The following DHX34 variants were observed in gnomAD, a reference collection of about 807,000 sequenced individuals.
The protein encoded by DHX34 is probable ATP-dependent RNA helicase DHX34.
A neutral mutation model predicts 111.1 loss-of-function variants in DHX34; 96 were observed. The observed-to-expected ratio is 0.86, with a 90% CI of 0.73 to 1.02. The LOEUF (loss-of-function observed/expected upper bound fraction) is 1.02, where lower values mean the gene tolerates loss of function less well. Among genes scored for constraint, DHX34 ranks in the 50% least tolerant of loss-of-function variants. DHX34 has a pLI of 0.00. For missense variants in DHX34, 1,560 were observed against 1,579.9 expected (o/e 0.99, Z 0.21); for synonymous variants, 688 against 670.4 (o/e 1.03, Z -0.41).
At chr19:47,363,126 A>G (rs1275691207) in intron 6 of DHX34, among the ~76,000 whole-genome samples, 2 of 149,718 alleles carry the variant, frequency 1.3e-5, no homozygotes, top group Non-Finnish European at 3.0e-5. Flanking sequence ...AATTTTTTGT[A>G]TTTTTTTTTA....
Position 47,382,219 on chromosome 19 carries a change from G to A in DHX34, c.*106G>A, listed in dbSNP as rs1970390080. 10 of 1,511,624 alleles carry A rather than the reference G, an allele frequency of 6.6e-6. No homozygotes were observed. The South Asian group carries it at 1.3e-4, about 20-fold the overall frequency. The allele number at this position is 1,511,624 out of a possible 1,614,324, so 93.6% of individuals were successfully genotyped here. On this transcript the variant is annotated 3_prime_UTR_variant, in exon 17 of 17. Transcript: ENST00000328771. ...CCCCCAGCCTGGGCTTAGCCCTGTG[G>A]TCCTGTCCCAGTGCAGAGGGCCTGG...
At position 47,375,686 on chromosome 19, in the gene DHX34, C is replaced by T. The variant is rs866965102; in HGVS notation, c.2285C>T (p.Ala762Val). 6.4e-7 allele frequency: 1 copy of T among 1,558,052 alleles called. No individual in the cohort carries two copies. Among genetic ancestry groups the T allele is most frequent in the Non-Finnish European group, 8.7e-7 (1 of 1,155,958 alleles). Residue 762 changes from alanine (A) to valine (V), a missense_variant, in exon 10 of 17, where the codon GCC (alanine) becomes GTC (valine). Coordinates refer to ENST00000328771, the MANE Select transcript of DHX34 (RefSeq NM_014681.6). The stretch of plus-strand genomic sequence containing the variant: ...AGGGCTGGCCCAGCCCCCCCAGGGG[C>T]CAGTGATGGCGTGGACATCCAGGTG... The part of the protein sequence containing the change: ...EDRAGPAPPG[A>V]SDGVDIQDVK...
Position 47,375,621 on chromosome 19 carries a change from G to A in DHX34, c.2220G>A (p.Arg740=), listed in dbSNP as rs770385779. The change falls in exon 10 of 17, where the codon CGG becomes CGA. Residue 740 remains arginine (R), a synonymous_variant. Coordinates refer to ENST00000328771, the MANE Select transcript of DHX34 (RefSeq NM_014681.6). ...CGGGGCGCAGGCGCAAGGTGCTGCG[G>A]CTGCAGGAGGAGCAGGACGGCGGCT... is the stretch of plus-strand genomic sequence containing the variant. The part of the protein sequence containing the change: ...EGAGRRRKVL[R]LQEEQDGGSS... The A allele has an allele frequency of 2.6e-5, 40 of 1,551,118 alleles. No homozygotes were observed. The highest frequency in any genetic ancestry group is 3.0e-5 in the Non-Finnish European group (34 of 1,151,032).
intron 6 of DHX34, among the ~76,000 whole-genome samples, chr19:47,364,827 G>A (rs1433749417): frequency 6.6e-6 from 1 of 152,124 alleles, no homozygotes; most frequent in Non-Finnish European, 1.5e-5. Context: ...ATTGCCCCAG[G>A]TCACACAGCT....
chr19:47,376,675 G>C lies in DHX34; in HGVS notation c.2599+115G>C, dbSNP rs549641119. On this transcript the variant is annotated intron_variant, in intron 12 of 16. Transcript: ENST00000328771. ...CACACCGGCCCAGGCTGGTATTGACGGGGGCCCACAGGAGGGGAAGTTCCA... is the reference window on the plus strand; with the variant it reads ...CACACCGGCCCAGGCTGGTATTGACCGGGGCCCACAGGAGGGGAAGTTCCA... 23 of 1,470,924 alleles carry C rather than the reference G, an allele frequency of 1.6e-5. No homozygotes were observed. In the Admixed American group the frequency reaches 3.2e-4, roughly 21 times the overall value. 91.1% of individuals were successfully genotyped at this position (1,470,924 alleles called of 1,614,324 possible).
Position 47,381,312 on chromosome 19 carries a change from G to T in DHX34, c.3286G>T (p.Asp1096Tyr). 6.2e-7 allele frequency: 1 copy of T among 1,613,558 alleles called. No individual in the cohort carries two copies. The change falls in exon 16 of 17, where the codon GAT (aspartate) becomes TAT (tyrosine). Residue 1096 changes from aspartate to tyrosine, a missense_variant. Transcript: ENST00000328771. ...HENTCPQAPQ[D>Y]GPPGAEEAAL... ...GAACACCTGCCCCCAGGCCCCACAG[G>T]ATGGGCCCCCAGGTAAGCACAGGAC...
intron 15 of DHX34, 65 bp from the exon 16 acceptor site, chr19:47,381,121 G>A: frequency 6.2e-7 from 1 of 1,600,462 alleles, no homozygotes; most frequent in African/African-American, 1.3e-5. Flanking sequence ...AAGGGTCCCG[G>A]GGGGGCACTT....
chr19:47,365,361 C>T (rs1969760021), intron 6 of DHX34, among the ~76,000 whole-genome samples: 1 of 152,026 alleles, frequency 6.6e-6, no homozygotes, highest in South Asian at 2.1e-4. Context: ...AAGTGGTTCT[C>T]CTGCCTTGGC....
chr19:47,368,425 G>C (rs558314307), intron 7 of DHX34, among the ~76,000 whole-genome samples: 13 of 142,284 alleles, frequency 9.1e-5, no homozygotes, highest in South Asian at 4.6e-4. Flanking sequence ...TCCTGCCTCA[G>C]CCTCCCGAGT....
chr19:47,351,722 C>G (rs1243779366), intron 1 of DHX34, among the ~76,000 whole-genome samples: 1 of 152,192 alleles, frequency 6.6e-6, no homozygotes, highest in African/African-American at 2.4e-5. Flanking sequence ...CAAAAGGGCC[C>G]TGATTGGCCC....
chr19:47,362,994 A>G (rs909216843), intron 6 of DHX34, among the ~76,000 whole-genome samples: 2 of 152,052 alleles, frequency 1.3e-5, no homozygotes, highest in South Asian at 2.1e-4. Context: ...TCTGTCGCCC[A>G]TGCTGGAGTG....
intron 9 of DHX34, among the ~76,000 whole-genome samples, chr19:47,374,982 G>C (rs1357614328): frequency 6.6e-6 from 1 of 152,138 alleles, no homozygotes; most frequent in Admixed American, 6.5e-5. Flanking sequence ...AGATTTTATG[G>C]GTCACAGGCA....
At chr19:47,373,759 C>G in intron 9 of DHX34, 59 bp downstream of exon 9, 6 of 1,562,140 alleles carry the variant, frequency 3.8e-6, no homozygotes, top group Non-Finnish European at 5.2e-6. Context: ...TGTAAGCACA[C>G]TCCAGAACAC....
chr19:47,368,988 C>T (rs1969887688), intron 7 of DHX34, among the ~76,000 whole-genome samples: 2 of 152,162 alleles, frequency 1.3e-5, no homozygotes, highest in African/African-American at 4.8e-5. Context: ...AGCAATTCTC[C>T]TGCCTCAGCT....
chr19:47,361,596 T>C (rs971812042), intron 5 of DHX34, among the ~76,000 whole-genome samples: 3 of 151,964 alleles, frequency 2.0e-5, no homozygotes, highest in African/African-American at 7.2e-5. Context: ...CTGGCCAACA[T>C]GGTGAAACCC....
chr19:47,381,512 G>A, intron 16 of DHX34, 188 bp downstream of exon 16: 2 of 800,854 alleles, frequency 2.5e-6, no homozygotes, highest in South Asian at 3.9e-5. Context: ...AGAGCCTGGA[G>A]CGCCACCTCT....
Position 47,382,263 on chromosome 19 carries a change from A to G in DHX34, c.*150A>G. ...GGCCTGGAGCACGGATTGTGAATAAAGCCTCACATGCTGATACACACTGTT... is the reference window on the plus strand; with the variant it reads ...GGCCTGGAGCACGGATTGTGAATAAGGCCTCACATGCTGATACACACTGTT... On this transcript the variant is annotated 3_prime_UTR_variant, in exon 17 of 17. Transcript: ENST00000328771. 7.3e-7 allele frequency: 1 copy of G among 1,369,458 alleles called. No individual in the cohort carries two copies. The highest frequency in any genetic ancestry group is 9.7e-7 in the Non-Finnish European group (1 of 1,035,886). The allele number at this position is 1,369,458 out of a possible 1,614,324, so 84.8% of individuals were successfully genotyped here. A position where few individuals can be genotyped will look rare whatever the true frequency, so the allele number is the denominator to read the frequency against.
At chr19:47,358,250 G>A in intron 4 of DHX34, 130 bp downstream of exon 4, 1 of 1,437,934 alleles carries the variant, frequency 7.0e-7, no homozygotes, top group Non-Finnish European at 9.1e-7. Context: ...TAGCCACCTA[G>A]TGGCAGAGCC....
chr19:47,375,458 GC>G lies in DHX34; in HGVS notation c.2065-4del. On this transcript the variant is annotated splice_region_variant and splice_polypyrimidine_tract_variant and intron_variant, in intron 9 of 16. Transcript: ENST00000328771. ...CTGAGGCCCTCACCCCTACCCACCTGCCCCTAGGAGCTGTTGGAGGACCACG... is the reference window on the plus strand; with the variant it reads ...CTGAGGCCCTCACCCCTACCCACCTGCCCTAGGAGCTGTTGGAGGACCACG... 1 of 1,580,096 alleles carries G rather than the reference GC, an allele frequency of 6.3e-7. No individual in the cohort carries two copies.
Sources: gnomAD v4.1 joint callset for allele counts (sites outside exome capture counted in the v4.1 genomes callset) on GRCh38, gnomAD v4.1.1 for gene constraint, MANE v1.5 for transcripts, NCBI Gene and HGNC (gene_info 2026-07-23, HGNC 2026-07-21) for gene names.